TRMT9B: variants seen among roughly 807,000 people sequenced by gnomAD.
TRMT9B encodes the protein tRNA methyltransferase 9B (putative).
Under a neutral mutation model 11.5 loss-of-function variants are expected in TRMT9B, and 16 were observed. The observed-to-expected ratio is 1.39, with a 90% confidence interval of 0.94 to 2.11. TRMT9B has a LOEUF of 2.11. Among genes scored for constraint, TRMT9B ranks in the 30% most tolerant of loss-of-function variants. The pLI is 0.00. For missense variants in TRMT9B, 941 were observed against 553.8 expected (o/e 1.70, Z -7.02); for synonymous variants, 274 against 192.4 (o/e 1.42, Z -3.51).
intron 1 of TRMT9B, among the ~76,000 whole-genome samples, chr8:12,963,418 G>C (rs372984981): frequency 6.6e-6 from 1 of 151,098 alleles, no homozygotes; most frequent in Non-Finnish European, 1.5e-5. Flanking sequence ...GGGAGACAGA[G>C]TGAGACTTTG....
At chr8:13,003,124 A>T (rs1407058071) in intron 2 of TRMT9B, among the ~76,000 whole-genome samples, 1 of 152,136 alleles carries the variant, frequency 6.6e-6, no homozygotes. Context: ...CTTCCAGCAG[A>T]CTCTGCCAGA....
chr8:12,971,921 A>T (rs1174676400), intron 1 of TRMT9B, among the ~76,000 whole-genome samples: 1 of 152,216 alleles, frequency 6.6e-6, no homozygotes, highest in African/African-American at 2.4e-5. Flanking sequence ...GAACCAAAAA[A>T]AACCCTAATT....
intron 2 of TRMT9B, among the ~76,000 whole-genome samples, chr8:12,999,910 G>T (rs1208790297): frequency 6.6e-6 from 1 of 152,128 alleles, no homozygotes. Flanking sequence ...ATCTCTACGA[G>T]AAAGAAAACT....
At chr8:12,993,738 A>G (rs1243223711) in intron 2 of TRMT9B, among the ~76,000 whole-genome samples, 2 of 152,168 alleles carry the variant, frequency 1.3e-5, no homozygotes, top group African/African-American at 4.8e-5. Flanking sequence ...CCTGTTGGCA[A>G]CCCTAGTGGC....
intron 3 of TRMT9B, chr8:13,010,561 T>C (rs771679385): frequency 1.7e-5 from 17 of 983,122 alleles, no homozygotes; most frequent in Non-Finnish European, 2.1e-5. Context: ...TAGAAATGAA[T>C]AGGGGCAAAT....
At chr8:12,973,183 T>C (rs1803896552) in intron 1 of TRMT9B, among the ~76,000 whole-genome samples, 1 of 152,202 alleles carries the variant, frequency 6.6e-6, no homozygotes, top group Non-Finnish European at 1.5e-5. Context: ...TTTTTAAGGC[T>C]GAATAATATG....
At chr8:13,003,351 C>A (rs1342699735) in intron 2 of TRMT9B, among the ~76,000 whole-genome samples, 2 of 152,170 alleles carry the variant, frequency 1.3e-5, no homozygotes. Flanking sequence ...AGAATAATTA[C>A]AGGGTTAAGC....
At chr8:12,974,226 C>T (rs1375778945) in intron 1 of TRMT9B, among the ~76,000 whole-genome samples, 1 of 151,910 alleles carries the variant, frequency 6.6e-6, no homozygotes, top group African/African-American at 2.4e-5. Flanking sequence ...TGCCGGCTCC[C>T]TTCACCACCA....
intron 2 of TRMT9B, among the ~76,000 whole-genome samples, chr8:13,003,114 C>G (rs1162729223): frequency 6.6e-6 from 1 of 152,186 alleles, no homozygotes; most frequent in Non-Finnish European, 1.5e-5. Context: ...TCTCCAGAGT[C>G]TTCCAGCAGA....
intron 1 of TRMT9B, among the ~76,000 whole-genome samples, chr8:12,988,656 T>C (rs1806762053): frequency 6.6e-6 from 1 of 152,120 alleles, no homozygotes; most frequent in Non-Finnish European, 1.5e-5. Flanking sequence ...ACTCACTCAC[T>C]ATCATGAGAA....
chr8:13,020,274 T>A (rs1483959725), intron 4 of TRMT9B, among the ~76,000 whole-genome samples: 1 of 152,188 alleles, frequency 6.6e-6, no homozygotes, highest in Non-Finnish European at 1.5e-5. Context: ...CACAATACCG[T>A]GATTATACTC....
At chr8:12,949,453 T>C (rs1401470) in intron 1 of TRMT9B, among the ~76,000 whole-genome samples, 49,985 of 152,012 alleles carry the variant, frequency 0.33, 9,839 homozygotes, top group Middle Eastern at 0.47. Context: ...TCTAGCTATG[T>C]TTCTCTGGTG....
Position 13,023,124 on chromosome 8 carries a change from A to G in TRMT9B, c.*1080A>G, listed in dbSNP as rs1814216970. 1 of 167,102 alleles carries G rather than the reference A, an allele frequency of 6.0e-6. No individual in the cohort carries two copies. The highest frequency in any genetic ancestry group is 1.5e-5 in the Non-Finnish European group (1 of 68,124). The allele number at this position is 167,102 out of a possible 1,614,324, so 10.4% of individuals were successfully genotyped here. On this transcript the variant is annotated 3_prime_UTR_variant, in exon 5 of 5. Transcript: ENST00000524591. Reference sequence around the variant, plus strand: ...ATGAATATTCAAGATTGATATTACTATTGCTTATTAGCAAGATTGTTATCA... The same window carrying G: ...ATGAATATTCAAGATTGATATTACTGTTGCTTATTAGCAAGATTGTTATCA...
chr8:12,957,875 G>A (rs185876222), intron 1 of TRMT9B, among the ~76,000 whole-genome samples: 9 of 152,080 alleles, frequency 5.9e-5, no homozygotes, highest in South Asian at 2.1e-4. Context: ...TGCAACCATC[G>A]CTGCCATCCA....
At position 13,021,916 on chromosome 8, in the gene TRMT9B, C is replaced by G; in HGVS notation, c.1237C>G (p.His413Asp). ...LDSTAFMRYY[H>D]VFREGELCSL... is the part of the protein sequence containing the mutation. The stretch of plus-strand genomic sequence containing the variant: ...CTCCACAGCCTTTATGCGCTACTAC[C>G]ATGTGTTTCGAGAAGGGGAGCTCTG... Residue 413 changes from histidine (H) to aspartate (D), a missense_variant, in exon 5 of 5, where the codon CAT becomes GAT. Physicochemically the swap from His to Asp is moderately conservative, Grantham distance 81. Coordinates refer to ENST00000524591, the MANE Select transcript of TRMT9B (RefSeq NM_020844.3). The G allele has an allele frequency of 6.2e-7, 1 of 1,613,750 alleles. No homozygotes were observed. Among genetic ancestry groups the G allele is most frequent in the Non-Finnish European group, 8.5e-7 (1 of 1,179,868 alleles).
At chr8:12,970,346 C>T (rs1803420708) in intron 1 of TRMT9B, among the ~76,000 whole-genome samples, 1 of 152,212 alleles carries the variant, frequency 6.6e-6, no homozygotes, top group African/African-American at 2.4e-5. Flanking sequence ...GTAGCATTTG[C>T]CCAACTTTTA....
intron 1 of TRMT9B, among the ~76,000 whole-genome samples, chr8:12,957,502 A>T (rs1041408682): frequency 6.6e-6 from 1 of 152,162 alleles, no homozygotes; most frequent in Non-Finnish European, 1.5e-5. Flanking sequence ...CAATGTTAAG[A>T]CATTTGCATA....
At chr8:13,010,909 G>A in intron 3 of TRMT9B, 1 of 945,650 alleles carries the variant, frequency 1.1e-6, no homozygotes. Flanking sequence ...GAACAGTGTG[G>A]CTACGAGATC....
intron 1 of TRMT9B, among the ~76,000 whole-genome samples, chr8:12,963,507 T>C (rs1455657180): frequency 6.6e-6 from 1 of 152,078 alleles, no homozygotes; most frequent in Non-Finnish European, 1.5e-5. Flanking sequence ...CCTAGTGTTT[T>C]GGGAGGCAGA....
Sources: allele counts gnomAD v4.1 joint callset (sites outside exome capture counted in the v4.1 genomes callset), GRCh38; gene constraint gnomAD v4.1.1; transcripts MANE v1.5; gene names NCBI Gene and HGNC (gene_info 2026-07-23, HGNC 2026-07-21).